The following CLOCK variants were observed in gnomAD, a reference collection of about 807,000 sequenced individuals.
The protein encoded by CLOCK is circadian locomoter output cycles protein kaput.
In CLOCK, 43 loss-of-function variants were observed where a neutral mutation model predicts 118.4. That is an observed-to-expected ratio of 0.36 (90% CI 0.28 to 0.47). The LOEUF is 0.47. Among genes scored for constraint, CLOCK ranks in the 20% least tolerant of loss-of-function variants. The pLI is 1.00. For missense variants in CLOCK, 846 were observed against 999.9 expected (o/e 0.85, Z 2.08); for synonymous variants, 326 against 339.2 (o/e 0.96, Z 0.43).
chr4:55,448,780 T>A lies in CLOCK; in HGVS notation c.1538A>T (p.Gln513Leu). ...ACTGAAACAAAAACCAAAAAGTACC[T>A]GGGACATGCCTTGTGGAATTGGTAA... ...TNLPIPQGMS[Q>L]FQFSAQLGAM... is the part of the protein sequence containing the mutation. Residue 513 changes from glutamine to leucine, a missense_variant and splice_region_variant, in exon 18 of 23, where the codon CAG becomes CTG. Transcript: ENST00000513440. 1 of 1,613,052 alleles carries A rather than the reference T, an allele frequency of 6.2e-7. No individual in the cohort carries two copies. The highest frequency in any genetic ancestry group is 2.2e-5 in the East Asian group (1 of 44,810).
chr4:55,518,505 T>C (rs978663449), intron 1 of CLOCK, among the ~76,000 whole-genome samples: 2 of 152,226 alleles, frequency 1.3e-5, no homozygotes, highest in African/African-American at 2.4e-5. Flanking sequence ...ATCAGTGCTA[T>C]GGTCTAAATG....
intron 22 of CLOCK, among the ~76,000 whole-genome samples, chr4:55,436,229 A>G (rs1054495190): frequency 1.3e-5 from 2 of 152,344 alleles, no homozygotes; most frequent in East Asian, 3.9e-4. Flanking sequence ...ATATGAAGGC[A>G]AAGTTGCAGC....
intron 1 of CLOCK, among the ~76,000 whole-genome samples, chr4:55,514,797 G>A (rs752173314): frequency 6.6e-6 from 1 of 152,030 alleles, no homozygotes; most frequent in Non-Finnish European, 1.5e-5. Flanking sequence ...TTTTGTTGGG[G>A]ATTTTTGCAT....
Position 55,443,874 on chromosome 4 carries a change from G to GAT in CLOCK, c.1714_1715insAT (p.Pro572HisfsTer4). On this transcript the variant is annotated frameshift_variant, in exon 20 of 23. Transcript: ENST00000513440. LOFTEE classifies it high-confidence loss of function. Reference sequence around the variant, plus strand: ...TTGAACGGAACCAAAATTCAACCCAGGATTTGATTGTTGCAAAAACATCTT... The same window carrying GAT: ...TTGAACGGAACCAAAATTCAACCCAGATGATTTGATTGTTGCAAAAACATCTT... 6.2e-7 allele frequency: 1 copy of GAT among 1,612,810 alleles called. No homozygotes were observed. Among genetic ancestry groups the GAT allele is most frequent in the Non-Finnish European group, 8.5e-7 (1 of 1,179,918 alleles).
chr4:55,444,481 A>G (rs1436759266), intron 19 of CLOCK, 152 bp downstream of exon 19: 2 of 866,834 alleles, frequency 2.3e-6, no homozygotes, highest in African/African-American at 3.3e-5. Context: ...CTGTAAGTAT[A>G]ATCATACTGA....
chr4:55,542,827 G>GC (rs1731371268), intron 1 of CLOCK, among the ~76,000 whole-genome samples: 1 of 152,056 alleles, frequency 6.6e-6, no homozygotes, highest in Non-Finnish European at 1.5e-5. Flanking sequence ...GAGTCTGCAA[G>GC]CAAGTACAGA....
At chr4:55,459,048 A>T in intron 10 of CLOCK, 38 bp from the exon 11 acceptor site, 1 of 1,543,494 alleles carries the variant, frequency 6.5e-7, no homozygotes. Flanking sequence ...CAGTTATGCC[A>T]GCAAAACCTA....
chr4:55,507,649 C>T (rs916166594), intron 2 of CLOCK, among the ~76,000 whole-genome samples: 2 of 152,114 alleles, frequency 1.3e-5, no homozygotes, highest in African/African-American at 2.4e-5. Context: ...AAAGGATCTA[C>T]AGAAAATTAC....
At chr4:55,502,263 GA>G (rs940731395) in intron 2 of CLOCK, among the ~76,000 whole-genome samples, 1 of 152,120 alleles carries the variant, frequency 6.6e-6, no homozygotes, top group Non-Finnish European at 1.5e-5. Context: ...AAAGGATCAC[GA>G]AAGCCAAGGT....
chr4:55,454,333 G>A (rs1724735387), intron 13 of CLOCK, among the ~76,000 whole-genome samples: 1 of 152,014 alleles, frequency 6.6e-6, no homozygotes, highest in Non-Finnish European at 1.5e-5. Flanking sequence ...ATGGGTTTTG[G>A]GCCAGGTGTG....
rs887573515 is a variant in CLOCK, at chr4:55,431,394, C to T, written c.*4021G>A. The T allele has an allele frequency of 1.3e-5, 2 of 152,128 alleles. No homozygotes were observed. Among genetic ancestry groups the T allele is most frequent in the Admixed American group, 6.5e-5 (1 of 15,268 alleles). The allele number at this position is 152,128 out of a possible 1,614,324, so 9.4% of individuals were successfully genotyped here. ...ATATTAAATATACTATAAAAATAGT[C>T]GATTCTATTCCTTTGCAATTACTTC... On this transcript the variant is annotated 3_prime_UTR_variant, in exon 23 of 23. Coordinates refer to ENST00000513440, the MANE Select transcript of CLOCK (RefSeq NM_004898.4).
intron 1 of CLOCK, among the ~76,000 whole-genome samples, chr4:55,513,103 A>G (rs1282840576): frequency 6.6e-6 from 1 of 152,126 alleles, no homozygotes; most frequent in African/African-American, 2.4e-5. Context: ...ACATTCAATC[A>G]TCACTCACTC....
intron 18 of CLOCK, 111 bp from the exon 19 acceptor site, chr4:55,444,896 C>T (rs888659262): frequency 1.8e-6 from 2 of 1,086,206 alleles, no homozygotes; most frequent in South Asian, 1.3e-5. Context: ...TGATAACATC[C>T]TTCACTAGTT....
chr4:55,503,171 A>T (rs1728546085), intron 2 of CLOCK, among the ~76,000 whole-genome samples: 1 of 152,212 alleles, frequency 6.6e-6, no homozygotes, highest in African/African-American at 2.4e-5. Flanking sequence ...AAATGTGTAC[A>T]CATGTGGACC....
intron 2 of CLOCK, among the ~76,000 whole-genome samples, chr4:55,509,621 T>C (rs543231198): frequency 1.3e-5 from 2 of 152,384 alleles, no homozygotes; most frequent in South Asian, 2.1e-4. Context: ...TTGCAAATCA[T>C]CTTCCTTAAA....
At chr4:55,518,423 T>C (rs1356997095) in intron 1 of CLOCK, among the ~76,000 whole-genome samples, 4 of 152,214 alleles carry the variant, frequency 2.6e-5, no homozygotes, top group African/African-American at 7.2e-5. Context: ...ATTTATTGTT[T>C]TCCTCATGAC....
chr4:55,482,488 C>CA (rs1270752505), intron 4 of CLOCK, among the ~76,000 whole-genome samples: 1 of 152,100 alleles, frequency 6.6e-6, no homozygotes, highest in Non-Finnish European at 1.5e-5. Flanking sequence ...CAGCTATGAC[C>CA]AAATCACTAA....
At chr4:55,467,974 C>A (rs1392635967) in intron 8 of CLOCK, among the ~76,000 whole-genome samples, 1 of 152,184 alleles carries the variant, frequency 6.6e-6, no homozygotes, top group African/African-American at 2.4e-5. Context: ...CCTTGAGAGC[C>A]TGGACTTTTA....
chr4:55,445,578 T>C (rs982538193), intron 18 of CLOCK, among the ~76,000 whole-genome samples: 4 of 133,146 alleles, frequency 3.0e-5, no homozygotes, highest in African/African-American at 8.4e-5. Context: ...GCTATTTCTA[T>C]ATTCTTTTTT....
Sources: gnomAD v4.1 joint callset for allele counts (sites outside exome capture counted in the v4.1 genomes callset) on GRCh38, gnomAD v4.1.1 for gene constraint, MANE v1.5 for transcripts, NCBI Gene and HGNC (gene_info 2026-07-23, HGNC 2026-07-21) for gene names.